TAFA2: variants seen among roughly 807,000 people sequenced by gnomAD.
TAFA2 encodes chemokine-like protein TAFA-2.
TAFA2 carries 7 observed loss-of-function variants against 18.8 expected under a neutral mutation model. That is an observed-to-expected ratio of 0.37 (90% CI 0.21 to 0.70). The LOEUF (loss-of-function observed/expected upper bound fraction) is 0.70, where lower values mean the gene tolerates loss of function less well. Among genes scored for constraint, TAFA2 ranks in the 30% least tolerant of loss-of-function variants. The pLI is 0.53. For missense variants in TAFA2, 122 were observed against 158.1 expected (o/e 0.77, Z 1.23); for synonymous variants, 60 against 54.2 (o/e 1.11, Z -0.47).
chr12:62,002,266 G>C (rs933845154), intron 1 of TAFA2, among the ~76,000 whole-genome samples: 3 of 152,122 alleles, frequency 2.0e-5, no homozygotes, highest in African/African-American at 7.2e-5. Flanking sequence ...AAATTTCTGT[G>C]AGACACATAT....
intron 2 of TAFA2, among the ~76,000 whole-genome samples, chr12:61,820,305 G>A (rs1328337493): frequency 6.6e-6 from 1 of 152,036 alleles, no homozygotes; most frequent in African/African-American, 2.4e-5. Context: ...ATTGTATTGT[G>A]TTCCAACCCT....
At chr12:62,131,550 T>G (rs1230557546) in intron 1 of TAFA2, among the ~76,000 whole-genome samples, 2 of 152,046 alleles carry the variant, frequency 1.3e-5, no homozygotes, top group African/African-American at 4.8e-5. Flanking sequence ...CCCAGGCCAT[T>G]TCCAAGACCA....
At chr12:61,765,348 C>T (rs539580954) in intron 2 of TAFA2, among the ~76,000 whole-genome samples, 1 of 152,172 alleles carries the variant, frequency 6.6e-6, no homozygotes, top group Admixed American at 6.6e-5. Flanking sequence ...CTGGATTTCA[C>T]ATAAGCAAGA....
At chr12:62,049,136 G>A (rs1452517349) in intron 1 of TAFA2, among the ~76,000 whole-genome samples, 1 of 152,176 alleles carries the variant, frequency 6.6e-6, no homozygotes, top group Non-Finnish European at 1.5e-5. Flanking sequence ...AAGGTAATAT[G>A]TCTTCTAGGG....
chr12:61,850,745 A>G (rs749450211), intron 2 of TAFA2, among the ~76,000 whole-genome samples: 85 of 152,130 alleles, frequency 5.6e-4, no homozygotes, highest in Non-Finnish European at 1.0e-3. Flanking sequence ...CATTTCATAG[A>G]CGAAATTTTA....
At chr12:62,221,882 G>A (rs1565782540) in intron 1 of TAFA2, among the ~76,000 whole-genome samples, 1 of 152,140 alleles carries the variant, frequency 6.6e-6, no homozygotes, top group African/African-American at 2.4e-5. Context: ...ATAAAAGGGT[G>A]ATAAGAGAAA....
chr12:61,981,093 C>T (rs995540830), intron 1 of TAFA2, among the ~76,000 whole-genome samples: 1 of 152,156 alleles, frequency 6.6e-6, no homozygotes, highest in African/African-American at 2.4e-5. Flanking sequence ...CAGCATGGTA[C>T]TTGTACCAAA....
At chr12:62,254,458 T>TA (rs1243936995) in intron 1 of TAFA2, among the ~76,000 whole-genome samples, 1 of 152,168 alleles carries the variant, frequency 6.6e-6, no homozygotes, top group Non-Finnish European at 1.5e-5. Flanking sequence ...TCCCATTGAG[T>TA]AAATTAAATT....
chr12:62,084,095 A>T (rs1483426623), intron 1 of TAFA2, among the ~76,000 whole-genome samples: 4 of 152,192 alleles, frequency 2.6e-5, no homozygotes, highest in Non-Finnish European at 5.9e-5. Flanking sequence ...ACCTTTCATC[A>T]AAATCTGTAA....
At chr12:61,951,261 C>T (rs894898212) in intron 1 of TAFA2, among the ~76,000 whole-genome samples, 4 of 152,138 alleles carry the variant, frequency 2.6e-5, no homozygotes, top group South Asian at 2.1e-4. Flanking sequence ...GATGCTTACG[C>T]AAATGGTCTT....
Position 62,116,977 on chromosome 12 carries a change from C to T in TAFA2, c.-2+74282G>A, listed in dbSNP as rs140857371. On this transcript the variant is annotated intron_variant, in intron 1 of 4. Transcript: ENST00000416284. The stretch of plus-strand genomic sequence containing the variant: ...GTATCCTTAAAAGAAGAGGAGACAC[C>T]GGGGATGCATACACAGAGGAAAGAC... Among the ~76,000 whole-genome samples, 397 of 152,054 alleles carry T rather than the reference C, an allele frequency of 2.6e-3. 2 individuals are homozygous for T. Among genetic ancestry groups the T allele is most frequent in the African/African-American group, 8.7e-3 (363 of 41,488 alleles).
At chr12:61,718,441 T>G (rs754866412) in intron 4 of TAFA2, among the ~76,000 whole-genome samples, 9 of 152,180 alleles carry the variant, frequency 5.9e-5, no homozygotes, top group Non-Finnish European at 8.8e-5. Flanking sequence ...TTGCTTCCCC[T>G]TCTCTTGGTA....
chr12:62,169,126 G>C (rs920913336), intron 1 of TAFA2, among the ~76,000 whole-genome samples: 11 of 152,310 alleles, frequency 7.2e-5, no homozygotes, highest in Non-Finnish European at 1.5e-4. Context: ...TTATCTTTTA[G>C]AGAGATACTG....
chr12:62,140,340 A>C (rs1156887990), intron 1 of TAFA2: 1 of 152,208 alleles, frequency 6.6e-6, no homozygotes, highest in Non-Finnish European at 1.5e-5. Context: ...ATCAGCTCTC[A>C]GCTTCTTCAG....
chr12:62,074,932 C>T (rs1428957422), intron 1 of TAFA2, among the ~76,000 whole-genome samples: 2 of 151,916 alleles, frequency 1.3e-5, no homozygotes, highest in South Asian at 2.1e-4. Flanking sequence ...AAACTCCTGG[C>T]CTCAAGTGAT....
intron 1 of TAFA2, among the ~76,000 whole-genome samples, chr12:61,948,253 A>G (rs993881357): frequency 6.6e-6 from 1 of 152,192 alleles, no homozygotes; most frequent in Non-Finnish European, 1.5e-5. Context: ...TCCTCAGAGC[A>G]AAGAGGTTAA....
chr12:62,115,811 G>T (rs1176252637), intron 1 of TAFA2, among the ~76,000 whole-genome samples: 10 of 152,112 alleles, frequency 6.6e-5, no homozygotes, highest in Non-Finnish European at 1.2e-4. Flanking sequence ...CTTGGTCACT[G>T]GCCCAAGCAG....
intron 2 of TAFA2, among the ~76,000 whole-genome samples, chr12:61,857,100 T>G (rs1342859186): frequency 6.6e-6 from 1 of 151,990 alleles, no homozygotes. Flanking sequence ...TTATATTTTA[T>G]ATTCTAAAAT....
intron 2 of TAFA2, among the ~76,000 whole-genome samples, chr12:61,833,684 T>C (rs954212034): frequency 6.6e-6 from 1 of 152,012 alleles, no homozygotes; most frequent in African/African-American, 2.4e-5. Flanking sequence ...TTTTCTTAAT[T>C]TTTCTTCCTC....
Sources: allele counts gnomAD v4.1 joint callset (sites outside exome capture counted in the v4.1 genomes callset), GRCh38; gene constraint gnomAD v4.1.1; transcripts MANE v1.5; gene names NCBI Gene and HGNC (gene_info 2026-07-23, HGNC 2026-07-21).